The following TRAT1 variants were observed in gnomAD, a reference collection of about 807,000 sequenced individuals.
TRAT1 encodes the protein T-cell receptor-associated transmembrane adapter 1.
In TRAT1, 20 loss-of-function variants were observed where a neutral mutation model predicts 20.0. The ratio of observed to expected loss-of-function variants is 1.00; its 90% CI spans 0.70 to 1.45. TRAT1 has a LOEUF of 1.45. Among genes scored for constraint, TRAT1 ranks in the 40% most tolerant of loss-of-function variants. The pLI is 0.00. For missense variants in TRAT1, 237 were observed against 224.1 expected, an observed-to-expected ratio of 1.06 and a Z score of -0.37; for synonymous variants, 77 against 74.2, an observed-to-expected ratio of 1.04 and a Z score of -0.20.
chr3:108,834,526 A>G (rs1298587812), intron 2 of TRAT1, among the ~76,000 whole-genome samples: 3 of 152,240 alleles, frequency 2.0e-5, no homozygotes, highest in African/African-American at 7.2e-5. Context: ...ATCTTCCTGA[A>G]GAAGACTTCC....
chr3:108,851,260 A>C (rs1945995662), intron 5 of TRAT1, among the ~76,000 whole-genome samples: 1 of 152,242 alleles, frequency 6.6e-6, no homozygotes, highest in Non-Finnish European at 1.5e-5. Flanking sequence ...TTGGCCTTTG[A>C]AAATGATGTG....
rs191085396 is a variant in TRAT1, at chr3:108,853,538, G to C, written c.304-82G>C. ...GTGAGGCCTAGAAAACAAGTTACTT[G>C]GTTTTCATACGCCACAGAAATTTCC... is the stretch of plus-strand genomic sequence containing the variant. On this transcript the variant is annotated intron_variant, in intron 5 of 5. Coordinates refer to ENST00000295756, the MANE Select transcript of TRAT1 (RefSeq NM_016388.4). 2.1e-5 allele frequency: 31 copies of C among 1,490,606 alleles called. No homozygotes were observed. The African/African-American group carries it at 3.6e-4, about 18-fold the overall frequency. 92.3% of individuals were successfully genotyped at this position (1,490,606 alleles called of 1,614,324 possible).
intron 5 of TRAT1, among the ~76,000 whole-genome samples, 198 bp from the exon 6 acceptor site, chr3:108,853,422 T>C (rs1946014990): frequency 6.6e-6 from 1 of 152,198 alleles, no homozygotes; most frequent in Non-Finnish European, 1.5e-5. Flanking sequence ...TCTAAGCACT[T>C]TTTCAACTCA....
chr3:108,836,902 T>G (rs1945846728), intron 2 of TRAT1, among the ~76,000 whole-genome samples: 1 of 152,208 alleles, frequency 6.6e-6, no homozygotes, highest in African/African-American at 2.4e-5. Context: ...TTGACTAAAT[T>G]CTTATGCATC....
chr3:108,834,975 A>C (rs1945825871), intron 2 of TRAT1, among the ~76,000 whole-genome samples: 1 of 152,186 alleles, frequency 6.6e-6, no homozygotes, highest in South Asian at 2.1e-4. Flanking sequence ...TTCTGATAGG[A>C]GTGCATTCAC....
At chr3:108,824,226 T>A (rs1377101599) in intron 1 of TRAT1, among the ~76,000 whole-genome samples, 1 of 152,184 alleles carries the variant, frequency 6.6e-6, no homozygotes, top group Admixed American at 6.5e-5. Flanking sequence ...AACAACTCTA[T>A]AGCTTTTTCT....
At chr3:108,850,323 GAC>G in intron 5 of TRAT1, among the ~76,000 whole-genome samples, 1 of 131,450 alleles carries the variant, frequency 7.6e-6, no homozygotes, top group Admixed American at 7.8e-5. Flanking sequence ...TTTTTTTTGA[GAC>G]AGAGTTTTGC....
At chr3:108,823,084 CAT>C (rs5851618) in intron 1 of TRAT1, 150 bp downstream of exon 1, 371,513 of 652,430 alleles carry the variant, frequency 0.57, 108,995 homozygotes, top group Non-Finnish European at 0.6. Flanking sequence ...TATTTTGAAA[CAT>C]GTTAATGAGT....
chr3:108,853,744 T>A lies in TRAT1; in HGVS notation c.428T>A (p.Ile143Lys). Reference protein sequence around the residue: ...DKDGDEQLHAIDASVSKTTLV... With the variant: ...DKDGDEQLHAKDASVSKTTLV... ...GATGGAGATGAGCAACTACATGCAA[T>A]AGATGCCAGCGTTTCTAAGACCACC... Residue 143 changes from isoleucine to lysine, a missense_variant, in exon 6 of 6, where the codon ATA becomes AAA. Ile to Lys is a moderately radical substitution (Grantham distance 102). Coordinates refer to ENST00000295756, the MANE Select transcript of TRAT1 (RefSeq NM_016388.4). The A allele has an allele frequency of 6.2e-7, 1 of 1,614,098 alleles. No homozygotes were observed. The highest frequency in any genetic ancestry group is 8.5e-7 in the Non-Finnish European group (1 of 1,179,992).
chr3:108,833,993 T>C (rs2107508894), intron 2 of TRAT1, among the ~76,000 whole-genome samples: 1 of 152,254 alleles, frequency 6.6e-6, no homozygotes, highest in East Asian at 1.9e-4. Flanking sequence ...ATCTGTTATT[T>C]TGGTGAACAT....
chr3:108,840,957 G>C (rs1427852679), intron 3 of TRAT1, among the ~76,000 whole-genome samples: 1 of 152,222 alleles, frequency 6.6e-6, no homozygotes, highest in Non-Finnish European at 1.5e-5. Flanking sequence ...CCTACCTTTG[G>C]GTTTACCCCT....
intron 1 of TRAT1, among the ~76,000 whole-genome samples, chr3:108,823,163 G>T (rs1945708056): frequency 6.6e-6 from 1 of 152,288 alleles, no homozygotes; most frequent in East Asian, 1.9e-4. Context: ...TCTAATTACA[G>T]CTGTTCAGTA....
At chr3:108,829,608 C>CACACACACAG (rs1945772835) in intron 1 of TRAT1, among the ~76,000 whole-genome samples, 1 of 151,786 alleles carries the variant, frequency 6.6e-6, no homozygotes, top group Non-Finnish European at 1.5e-5. Flanking sequence ...CACACACACA[C>CACACACACAG]ACACACACAA....
intron 2 of TRAT1, among the ~76,000 whole-genome samples, chr3:108,835,594 A>G (rs2107509541): frequency 6.6e-6 from 1 of 152,320 alleles, no homozygotes. Context: ...TTACCCAAGT[A>G]CTGATGGCTC....
intron 1 of TRAT1, 72 bp downstream of exon 1, chr3:108,823,006 G>T: frequency 7.7e-7 from 1 of 1,300,230 alleles, no homozygotes; most frequent in South Asian, 1.2e-5. Flanking sequence ...GTCCTAACGA[G>T]AAGACCCTTA....
In TRAT1 at chr3:108,830,283, G is replaced by A. The variant is rs150676439; in HGVS notation, c.8-387G>A. ...GCCATTTTCTGTAAATAAGGAAAGC[G>A]TGTATGATTACAGTCTGAGGATTAA... On this transcript the variant is annotated intron_variant, in intron 1 of 5. Transcript: ENST00000295756. Among the ~76,000 whole-genome samples, 210 of 152,292 alleles carry A rather than the reference G, an allele frequency of 1.4e-3. 4 individuals are homozygous for A. The East Asian group carries it at 0.036, about 26-fold the overall frequency.
chr3:108,845,643 A>G (rs1945935662), intron 3 of TRAT1, among the ~76,000 whole-genome samples: 1 of 151,432 alleles, frequency 6.6e-6, no homozygotes, highest in Admixed American at 6.6e-5. Flanking sequence ...ATTTACATAT[A>G]CTGTGTCTTT....
rs746140061 is a variant in TRAT1, at chr3:108,854,885, A to G, written c.*1008A>G. 6.6e-6 allele frequency: 1 copy of G among 152,112 alleles called. No homozygotes were observed. The highest frequency in any genetic ancestry group is 1.5e-5 in the Non-Finnish European group (1 of 67,978). 9.4% of individuals were successfully genotyped at this position (152,112 alleles called of 1,614,324 possible). A position where few individuals can be genotyped will look rare whatever the true frequency, so the allele number is the denominator to read the frequency against. On this transcript the variant is annotated 3_prime_UTR_variant, in exon 6 of 6. Transcript: ENST00000295756. The stretch of plus-strand genomic sequence containing the variant: ...TGCTTCACTGTCTTCTCTCTGTTTC[A>G]TCAGAAACACATACTATAATACTTG...
At position 108,854,576 on chromosome 3, in the gene TRAT1, T is replaced by C. The variant is rs1449567919; in HGVS notation, c.*699T>C. ...ATATTTTTCTGGGCATGCTTATGTATGTACATCAGTTGTTTCTTTTTATTT... is the reference window on the plus strand; with the variant it reads ...ATATTTTTCTGGGCATGCTTATGTACGTACATCAGTTGTTTCTTTTTATTT... On this transcript the variant is annotated 3_prime_UTR_variant, in exon 6 of 6. Transcript: ENST00000295756. 2 of 152,186 alleles carry C rather than the reference T, an allele frequency of 1.3e-5. No individual in the cohort carries two copies. Among genetic ancestry groups the C allele is most frequent in the Non-Finnish European group, 2.9e-5 (2 of 67,998 alleles). 9.4% of individuals were successfully genotyped at this position (152,186 alleles called of 1,614,324 possible). A position where few individuals can be genotyped will look rare whatever the true frequency, so the allele number is the denominator to read the frequency against.
Sources: gnomAD v4.1 joint callset for allele counts (sites outside exome capture counted in the v4.1 genomes callset) on GRCh38, gnomAD v4.1.1 for gene constraint, MANE v1.5 for transcripts, NCBI Gene and HGNC (gene_info 2026-07-23, HGNC 2026-07-21) for gene names.